The following RIMS1 variants were observed in gnomAD, a reference collection of about 807,000 sequenced individuals.
The protein encoded by RIMS1 is regulating synaptic membrane exocytosis protein 1.
In RIMS1, 83 loss-of-function variants were observed where a neutral mutation model predicts 214.1. The observed-to-expected ratio is 0.39, with a 90% CI of 0.32 to 0.47. RIMS1 has a LOEUF of 0.47. RIMS1 is among the 20% of genes least tolerant of loss of function. RIMS1 has a pLI of 0.99. For synonymous variants in RIMS1, 793 were observed against 786.8 expected, an observed-to-expected ratio of 1.01 and a Z score of -0.13; for missense variants, 2,050 against 2,161.8, an observed-to-expected ratio of 0.95 and a Z score of 1.03.
At chr6:72,173,985 T>TAA (rs5877315) in intron 4 of RIMS1, among the ~76,000 whole-genome samples, 1 of 150,016 alleles carries the variant, frequency 6.7e-6, no homozygotes. Flanking sequence ...AAAATAAACT[T>TAA]AAAAAAAAAA....
At chr6:72,373,509 G>A (rs1365016747) in intron 29 of RIMS1, among the ~76,000 whole-genome samples, 1 of 152,162 alleles carries the variant, frequency 6.6e-6, no homozygotes, top group Non-Finnish European at 1.5e-5. Context: ...GATTGTCATT[G>A]TTTATAGTCA....
At chr6:72,044,977 A>T (rs781159157) in intron 2 of RIMS1, among the ~76,000 whole-genome samples, 24 of 151,962 alleles carry the variant, frequency 1.6e-4, no homozygotes, top group Non-Finnish European at 3.4e-4. Context: ...GTGAATGAAT[A>T]AACAAATTAT....
Position 72,182,632 on chromosome 6 carries a change from G to C in RIMS1, c.1161G>C (p.Glu387Asp), listed in dbSNP as rs1301554358. Residue 387 changes from glutamate (E) to aspartate (D), a missense_variant, in exon 6 of 34, where the codon GAG becomes GAC. Glu to Asp is a conservative substitution (Grantham distance 45). Transcript: ENST00000521978. ...MHARVSRARH[E>D]RRHSDVALPR... ...CCCGGGTGTCCCGCGCCAGGCACGA[G>C]CGGCGCCACAGCGACGTGGCGCTCC... is the stretch of plus-strand genomic sequence containing the variant. 6.5e-7 allele frequency: 1 copy of C among 1,544,338 alleles called. No homozygotes were observed. Among genetic ancestry groups the C allele is most frequent in the African/African-American group, 1.4e-5 (1 of 72,792 alleles).
At chr6:72,200,446 C>T (rs1259854281) in intron 6 of RIMS1, among the ~76,000 whole-genome samples, 3 of 152,152 alleles carry the variant, frequency 2.0e-5, no homozygotes, top group Non-Finnish European at 4.4e-5. Context: ...CCTCTACCTC[C>T]ACTTCTTAAC....
At chr6:72,038,022 A>G (rs1223646258) in intron 2 of RIMS1, among the ~76,000 whole-genome samples, 3 of 142,494 alleles carry the variant, frequency 2.1e-5, no homozygotes, top group Non-Finnish European at 4.5e-5. Context: ...GATCTAACCT[A>G]TGATCCCAGC....
intron 2 of RIMS1, among the ~76,000 whole-genome samples, chr6:71,996,590 T>C (rs1803508074): frequency 6.6e-6 from 1 of 152,220 alleles, no homozygotes; most frequent in African/African-American, 2.4e-5. Flanking sequence ...CTTATAAAGA[T>C]GGCAGAAAAT....
At chr6:72,208,250 C>T (rs1409038908) in intron 6 of RIMS1, among the ~76,000 whole-genome samples, 1 of 152,176 alleles carries the variant, frequency 6.6e-6, no homozygotes, top group Non-Finnish European at 1.5e-5. Context: ...TCATTCTGCT[C>T]ATCTGTTCAT....
rs368179729 is a variant in RIMS1 at position 72,250,396 on chromosome 6, C to T, written c.2308C>T (p.Pro770Ser). 1.8e-4 allele frequency: 288 copies of T among 1,608,356 alleles called. No homozygotes were observed. The highest frequency in any genetic ancestry group is 2.4e-4 in the Non-Finnish European group (281 of 1,176,012). ...AAATGTTCTGCAAGCAACAGATCTA[C>T]CTGCTAGAGTAGATGGACGTCCTCG... ...IVNVLQATDLPARVDGRPRNP... is the reference protein window; with the variant it reads ...IVNVLQATDLSARVDGRPRNP... The change falls in exon 13 of 34, where the codon CCT becomes TCT. Residue 770 changes from proline to serine, a missense_variant. Pro to Ser is a moderately conservative substitution (Grantham distance 74). Transcript: ENST00000521978.
chr6:72,253,859 GTATTTATT>G (rs551813058), intron 16 of RIMS1, among the ~76,000 whole-genome samples: 2 of 151,700 alleles, frequency 1.3e-5, no homozygotes, highest in East Asian at 1.9e-4. Context: ...AGAATATATG[GTATTTATT>G]TATTTATTTA....
chr6:71,931,929 C>T (rs1783163007), intron 1 of RIMS1, among the ~76,000 whole-genome samples: 1 of 151,986 alleles, frequency 6.6e-6, no homozygotes, highest in Non-Finnish European at 1.5e-5. Flanking sequence ...CAGTGAGATA[C>T]CATCTTACAC....
intron 22 of RIMS1, among the ~76,000 whole-genome samples, chr6:72,273,720 T>TTTAC (rs1169372480): frequency 1.3e-5 from 2 of 152,218 alleles, no homozygotes; most frequent in Non-Finnish European, 2.9e-5. Context: ...ATCAGTATCG[T>TTTAC]TTACTTACAG....
chr6:72,261,845 A>C (rs1216553792), intron 19 of RIMS1: 1 of 985,194 alleles, frequency 1.0e-6, no homozygotes. Flanking sequence ...ACAGGAAAAA[A>C]TCGAGGAAAT....
At chr6:72,328,577 T>C (rs1246704019) in intron 28 of RIMS1, among the ~76,000 whole-genome samples, 1 of 151,792 alleles carries the variant, frequency 6.6e-6, no homozygotes, top group Non-Finnish European at 1.5e-5. Context: ...TGGGATCTAA[T>C]ATTTGCTACT....
At chr6:71,940,518 T>C (rs1785744053) in intron 1 of RIMS1, among the ~76,000 whole-genome samples, 1 of 152,160 alleles carries the variant, frequency 6.6e-6, no homozygotes. Context: ...AAGTAAAGTG[T>C]GGTCTGTCAA....
At chr6:72,129,743 G>T (rs866779253) in intron 4 of RIMS1, among the ~76,000 whole-genome samples, 1 of 151,632 alleles carries the variant, frequency 6.6e-6, no homozygotes, top group Non-Finnish European at 1.5e-5. Flanking sequence ...AAAAAAAAAC[G>T]GACAGTTCAG....
chr6:72,184,438 A>G (rs2048817704), intron 6 of RIMS1, among the ~76,000 whole-genome samples: 1 of 152,154 alleles, frequency 6.6e-6, no homozygotes, highest in South Asian at 2.1e-4. Context: ...TTTGTGAAAA[A>G]CTTTTATCTT....
intron 2 of RIMS1, among the ~76,000 whole-genome samples, chr6:71,971,188 A>G (rs916528247): frequency 6.6e-6 from 1 of 152,184 alleles, no homozygotes; most frequent in Non-Finnish European, 1.5e-5. Flanking sequence ...GGAATGGCAT[A>G]ATCAGATTTG....
At chr6:71,971,638 T>G (rs574805407) in intron 2 of RIMS1, among the ~76,000 whole-genome samples, 1 of 152,296 alleles carries the variant, frequency 6.6e-6, no homozygotes, top group East Asian at 1.9e-4. Flanking sequence ...TTTATTGGAC[T>G]TACAGTTCCA....
At chr6:72,118,122 A>T (rs910015619) in intron 4 of RIMS1, among the ~76,000 whole-genome samples, 2 of 148,152 alleles carry the variant, frequency 1.3e-5, no homozygotes, top group African/African-American at 4.9e-5. Context: ...AATACAAAAG[A>T]TCATTCAAAG....
Sources: allele counts gnomAD v4.1 joint callset (sites outside exome capture counted in the v4.1 genomes callset), GRCh38; gene constraint gnomAD v4.1.1; transcripts MANE v1.5; gene names NCBI Gene and HGNC (gene_info 2026-07-23, HGNC 2026-07-21).